Variants in RYR2 observed in about 807,000 individuals in gnomAD.
RYR2 encodes cardiac muscle ryanodine receptor-calcium release channel.
RYR2 carries 227 observed loss-of-function variants against 601.1 expected under a neutral mutation model. That is an observed-to-expected ratio of 0.38 (90% CI 0.34 to 0.42). The LOEUF (loss-of-function observed/expected upper bound fraction) is 0.42, where lower values mean the gene tolerates loss of function less well. Ranked by LOEUF, RYR2 falls within the 10% of genes least tolerant of loss-of-function variation. RYR2 has a pLI of 1.00. For synonymous variants in RYR2, 2,223 were observed against 2,175.1 expected (o/e 1.02, Z -0.61); for missense variants, 4,646 against 6,156.5 (o/e 0.75, Z 8.21).
At chr1:237,154,750 T>C (rs1318558119) in intron 1 of RYR2, among the ~76,000 whole-genome samples, 1 of 152,238 alleles carries the variant, frequency 6.6e-6, no homozygotes, top group Non-Finnish European at 1.5e-5. Context: ...TCATTATATA[T>C]AATATATGTT....
intron 70 of RYR2, among the ~76,000 whole-genome samples, chr1:237,710,676 A>G (rs1688755361): frequency 1.0e-5 from 1 of 99,504 alleles, no homozygotes; most frequent in African/African-American, 3.5e-5. Flanking sequence ...AATCCACTGT[A>G]AAAAGATAAA....
At position 237,445,449 on chromosome 1, in the gene RYR2, A is replaced by C. The variant is rs1382123934; in HGVS notation, c.1219A>C (p.Arg407=). 6.2e-7 allele frequency: 1 copy of C among 1,613,790 alleles called. No individual in the cohort carries two copies. The highest frequency in any genetic ancestry group is 8.5e-7 in the Non-Finnish European group (1 of 1,179,742). The part of the protein sequence containing the change: ...GHMDDGISLS[R]SQHEESRTAR... ...CATGGATGATGGCATAAGTTTGTCG[A>C]GATCCCAGCATGAAGAATCACGCAC... The change falls in exon 14 of 105, where the codon AGA becomes CGA. Residue 407 remains arginine (R), a synonymous_variant. Coordinates refer to ENST00000366574, the MANE Select transcript of RYR2 (RefSeq NM_001035.3).
intron 1 of RYR2, among the ~76,000 whole-genome samples, chr1:237,233,395 T>C (rs577707434): frequency 1.4e-4 from 22 of 152,304 alleles, no homozygotes; most frequent in African/African-American, 5.1e-4. Context: ...AACAAAACTT[T>C]GTGTTATTTT....
chr1:237,812,001 A>G (rs1661306094), intron 100 of RYR2, among the ~76,000 whole-genome samples: 1 of 152,144 alleles, frequency 6.6e-6, no homozygotes, highest in African/African-American at 2.4e-5. Context: ...TTATTTGTCA[A>G]GTGCTTATAT....
chr1:237,664,058 G>A (rs545746001), intron 56 of RYR2, among the ~76,000 whole-genome samples: 73 of 152,224 alleles, frequency 4.8e-4, no homozygotes, highest in Middle Eastern at 6.8e-3. Flanking sequence ...TATCCCACAG[G>A]TTTTCAACAA....
intron 3 of RYR2, chr1:237,333,638 T>C (rs181312182): frequency 8.8e-6 from 4 of 456,104 alleles, no homozygotes; most frequent in East Asian, 1.4e-4. Flanking sequence ...TCTGATGATA[T>C]GTGACTCATG....
intron 3 of RYR2, among the ~76,000 whole-genome samples, chr1:237,339,450 T>C (rs531858114): frequency 6.6e-6 from 1 of 152,146 alleles, no homozygotes; most frequent in Non-Finnish European, 1.5e-5. Flanking sequence ...AACAGTAATA[T>C]ATGAGTATAA....
chr1:237,343,978 G>T (rs958255035), intron 3 of RYR2, among the ~76,000 whole-genome samples: 1 of 151,932 alleles, frequency 6.6e-6, no homozygotes, highest in African/African-American at 2.4e-5. Flanking sequence ...CCACCACCAC[G>T]CCTGGCTAAT....
intron 67 of RYR2, among the ~76,000 whole-genome samples, chr1:237,706,662 G>A (rs1443681558): frequency 6.6e-6 from 1 of 152,130 alleles, no homozygotes; most frequent in Admixed American, 6.5e-5. Context: ...TAAATGGCTT[G>A]TAGGTCATGA....
intron 1 of RYR2, among the ~76,000 whole-genome samples, chr1:237,221,944 A>G (rs1223467739): frequency 1.3e-5 from 2 of 152,070 alleles, no homozygotes; most frequent in East Asian, 3.9e-4. Context: ...TTTAAGACAG[A>G]AATATGTGAA....
At chr1:237,133,158 C>T (rs1163148106) in intron 1 of RYR2, among the ~76,000 whole-genome samples, 2 of 152,032 alleles carry the variant, frequency 1.3e-5, no homozygotes, top group Non-Finnish European at 2.9e-5. Context: ...AGTCTGCACA[C>T]AGGACTTCCG....
At chr1:237,641,119 A>G in intron 47 of RYR2, 117 bp downstream of exon 47, 1 of 615,660 alleles carries the variant, frequency 1.6e-6, no homozygotes, top group South Asian at 3.1e-5. Flanking sequence ...CATTAAAAAT[A>G]ATAGCTGCAG....
chr1:237,683,923 C>G (rs1686122179), intron 62 of RYR2, among the ~76,000 whole-genome samples: 1 of 11,060 alleles, frequency 9.0e-5, no homozygotes, highest in Non-Finnish European at 2.4e-4. Flanking sequence ...GCAGGTGGGT[C>G]TTTTTCTTCT....
At chr1:237,598,203 G>A (rs1374011816) in intron 34 of RYR2, among the ~76,000 whole-genome samples, 8 of 152,180 alleles carry the variant, frequency 5.3e-5, no homozygotes, top group Admixed American at 4.6e-4. Flanking sequence ...AGGCTTCAAT[G>A]CAACAATAGT....
intron 2 of RYR2, among the ~76,000 whole-genome samples, chr1:237,325,729 G>GA (rs1696106310): frequency 6.6e-6 from 1 of 151,872 alleles, no homozygotes; most frequent in African/African-American, 2.4e-5. Context: ...ATTAAAAAAA[G>GA]AAAAAGGACT....
At chr1:237,124,691 TCTTCTATCTG>T (rs1304342683) in intron 1 of RYR2, among the ~76,000 whole-genome samples, 1 of 152,156 alleles carries the variant, frequency 6.6e-6, no homozygotes, top group African/African-American at 2.4e-5. Context: ...GTCTTCTGCT[TCTTCTATCTG>T]CAACCTTAAC....
intron 17 of RYR2, among the ~76,000 whole-genome samples, chr1:237,478,021 G>A (rs764547164): frequency 6.6e-6 from 1 of 152,172 alleles, no homozygotes; most frequent in Non-Finnish European, 1.5e-5. Context: ...GGAGAGAGGT[G>A]ACCAGGATGA....
At position 237,830,274 on chromosome 1, in the gene RYR2, C is replaced by CCAT. The variant is rs150126361; in HGVS notation, c.14656-242_14656-240dup. The stretch of plus-strand genomic sequence containing the variant: ...GAAAGGAAGAGACGTTGCTTTTCAG[C>CCAT]CATCATCATCATCATCTTGTTCCCT... On this transcript the variant is annotated intron_variant, in intron 102 of 104. Transcript: ENST00000366574. The CCAT allele has an allele frequency of 5.9e-3, 2,113 of 360,684 alleles. 29 individuals are homozygous for CCAT. The highest frequency in any genetic ancestry group is 0.024 in the African/African-American group (1,137 of 47,548). The allele number at this position is 360,684 out of a possible 1,614,324, so 22.3% of individuals were successfully genotyped here.
chr1:237,584,649 G>GTTTTTTTTTT (rs61131096), intron 29 of RYR2, among the ~76,000 whole-genome samples: 6 of 72,470 alleles, frequency 8.3e-5, no homozygotes, highest in Non-Finnish European at 9.9e-5. Context: ...CTCACCACCT[G>GTTTTTTTTTT]TTTTTTTTTT....
Sources: gnomAD v4.1 joint callset for allele counts (sites outside exome capture counted in the v4.1 genomes callset) on GRCh38, gnomAD v4.1.1 for gene constraint, MANE v1.5 for transcripts, NCBI Gene and HGNC (gene_info 2026-07-23, HGNC 2026-07-21) for gene names.